KAZN: variants seen among roughly 807,000 people sequenced by gnomAD.
The protein encoded by KAZN is kazrin.
KAZN carries 40 observed loss-of-function variants against 87.4 expected under a neutral mutation model. That is an observed-to-expected ratio of 0.46 (90% confidence interval 0.36 to 0.60). KAZN has a LOEUF of 0.60. KAZN is among the 20% of genes least tolerant of loss of function. KAZN has a pLI of 0.00. For synonymous variants in KAZN, 466 were observed against 458.3 expected (o/e 1.02, Z -0.22); for missense variants, 898 against 1,073.9 (o/e 0.84, Z 2.29).
chr1:14,727,719 GC>G (rs1643468438), intron 1 of KAZN, among the ~76,000 whole-genome samples: 5 of 151,426 alleles, frequency 3.3e-5, no homozygotes, highest in Admixed American at 3.3e-4. Flanking sequence ...GCCCACCACG[GC>G]CTCCCTAAGT....
chr1:14,330,189 G>T (rs1178590555), intron 2 of KAZN, among the ~76,000 whole-genome samples: 1 of 152,176 alleles, frequency 6.6e-6, no homozygotes, highest in Non-Finnish European at 1.5e-5. Flanking sequence ...TGGACATTTT[G>T]TTGGGGTTTT....
intron 6 of KAZN, chr1:15,063,137 G>T (rs1245230753): frequency 5.6e-6 from 1 of 178,312 alleles, no homozygotes; most frequent in Non-Finnish European, 1.2e-5. Context: ...TGTGGGGGAA[G>T]CTAGAGGCTA....
intron 2 of KAZN, among the ~76,000 whole-genome samples, chr1:14,425,247 C>T (rs1665657972): frequency 1.3e-5 from 2 of 152,182 alleles, no homozygotes; most frequent in Non-Finnish European, 2.9e-5. Flanking sequence ...GGAGACAGAG[C>T]CTGCCCCTAC....
At chr1:14,624,252 C>A (rs1304343859) in intron 1 of KAZN, among the ~76,000 whole-genome samples, 1 of 152,122 alleles carries the variant, frequency 6.6e-6, no homozygotes, top group Non-Finnish European at 1.5e-5. Context: ...GAAACCCTGT[C>A]TCTACTAAAA....
intron 1 of KAZN, among the ~76,000 whole-genome samples, chr1:13,957,561 T>A (rs1360036133): frequency 6.6e-6 from 1 of 152,004 alleles, no homozygotes; most frequent in Admixed American, 6.5e-5. Flanking sequence ...ATTCTGATGG[T>A]TAGAAAGTTC....
chr1:14,003,875 T>C (rs778312415), intron 1 of KAZN, among the ~76,000 whole-genome samples: 8 of 152,002 alleles, frequency 5.3e-5, no homozygotes, highest in Non-Finnish European at 1.2e-4. Context: ...AACTGGTAAA[T>C]AGGACTACAT....
At chr1:14,240,742 C>T (rs890247001) in intron 2 of KAZN, among the ~76,000 whole-genome samples, 1 of 151,106 alleles carries the variant, frequency 6.6e-6, no homozygotes, top group South Asian at 2.1e-4. Flanking sequence ...TGGGCCATAG[C>T]TGCACCGGGT....
intron 1 of KAZN, among the ~76,000 whole-genome samples, chr1:14,133,377 AAAAG>A (rs149462642): frequency 0.14 from 9,922 of 71,464 alleles, 764 homozygotes; most frequent in Middle Eastern, 0.22. Flanking sequence ...AAAAAAAAAA[AAAAG>A]AAAGAAAGAA....
intron 1 of KAZN, among the ~76,000 whole-genome samples, chr1:14,807,704 G>C (rs534659538): frequency 1.3e-5 from 2 of 152,084 alleles, no homozygotes; most frequent in South Asian, 2.1e-4. Context: ...AGGAGGTTGA[G>C]GCTGCAGTGA....
chr1:14,845,163 A>G (rs1572632355), intron 1 of KAZN, among the ~76,000 whole-genome samples: 1 of 133,264 alleles, frequency 7.5e-6, no homozygotes, highest in Non-Finnish European at 1.6e-5. Flanking sequence ...TAGTGAGTGG[A>G]TGGGTGGGTG....
intron 4 of KAZN, among the ~76,000 whole-genome samples, chr1:15,046,793 G>A (rs981765165): frequency 6.6e-6 from 1 of 152,238 alleles, no homozygotes; most frequent in Non-Finnish European, 1.5e-5. Flanking sequence ...CACCAGTGGG[G>A]TTGATAATAC....
At chr1:13,904,791 T>C (rs1056439074) in intron 1 of KAZN, among the ~76,000 whole-genome samples, 3 of 152,188 alleles carry the variant, frequency 2.0e-5, no homozygotes, top group South Asian at 2.1e-4. Context: ...ATCTGAGGAT[T>C]TGCATCTCAG....
chr1:13,927,528 T>A (rs1178994106), intron 1 of KAZN, among the ~76,000 whole-genome samples: 1 of 152,206 alleles, frequency 6.6e-6, no homozygotes, highest in Non-Finnish European at 1.5e-5. Flanking sequence ...GGCAGACCTA[T>A]GTCCAAATCC....
intron 1 of KAZN, among the ~76,000 whole-genome samples, chr1:14,664,653 C>CTTTT (rs543110951): frequency 3.6e-5 from 5 of 139,394 alleles, no homozygotes; most frequent in Admixed American, 2.9e-4. Flanking sequence ...TTCTTTTTCT[C>CTTTT]TTTTTTTTTT....
chr1:14,019,421 G>A (rs1296931372), intron 1 of KAZN, among the ~76,000 whole-genome samples: 3 of 152,094 alleles, frequency 2.0e-5, no homozygotes, highest in Non-Finnish European at 4.4e-5. Flanking sequence ...ATTTGGCATG[G>A]GCTGGGGTAT....
intron 1 of KAZN, among the ~76,000 whole-genome samples, chr1:14,866,374 G>A (rs149606181): frequency 6.4e-4 from 98 of 152,314 alleles, no homozygotes; most frequent in African/African-American, 2.2e-3. Flanking sequence ...TCCTGGTCAA[G>A]GTCTATGCCC....
chr1:14,792,991 A>AAAAC (rs1017565556), intron 1 of KAZN, among the ~76,000 whole-genome samples: 2 of 151,416 alleles, frequency 1.3e-5, no homozygotes, highest in Non-Finnish European at 1.5e-5. Context: ...AAAAAAAAAA[A>AAAAC]CATTCAGGAC....
At chr1:14,174,187 AGGT>A (rs1300538547) in intron 1 of KAZN, among the ~76,000 whole-genome samples, 1 of 152,156 alleles carries the variant, frequency 6.6e-6, no homozygotes, top group Non-Finnish European at 1.5e-5. Flanking sequence ...GCTGGCGAAA[AGGT>A]GGTGGTAGCA....
intron 1 of KAZN, among the ~76,000 whole-genome samples, chr1:14,665,289 C>T (rs1270233458): frequency 7.1e-6 from 1 of 140,882 alleles, no homozygotes; most frequent in Non-Finnish European, 1.5e-5. Context: ...CAGTGGCTGC[C>T]TCTTTTTTTT....
Sources: gnomAD v4.1 joint callset for allele counts (sites outside exome capture counted in the v4.1 genomes callset) on GRCh38, gnomAD v4.1.1 for gene constraint, MANE v1.5 for transcripts, NCBI Gene and HGNC (gene_info 2026-07-23, HGNC 2026-07-21) for gene names.